Variants in SLC35F3 observed in about 807,000 individuals in gnomAD.
The protein encoded by SLC35F3 is putative thiamine transporter SLC35F3.
In SLC35F3, 25 loss-of-function variants were observed where a neutral mutation model predicts 49.9. The observed-to-expected ratio is 0.50, with a 90% CI of 0.37 to 0.70. The LOEUF is 0.70. Ranked by LOEUF, SLC35F3 falls within the 30% of genes least tolerant of loss-of-function variation. The pLI, the probability that SLC35F3 is intolerant of heterozygous loss-of-function variation, is 0.00. For synonymous variants in SLC35F3, 275 were observed against 265.4 expected, an observed-to-expected ratio of 1.04 and a Z score of -0.35; for missense variants, 525 against 639.8, an observed-to-expected ratio of 0.82 and a Z score of 1.94.
chr1:234,050,515 T>A (rs917817615), intron 2 of SLC35F3, among the ~76,000 whole-genome samples: 4 of 152,246 alleles, frequency 2.6e-5, no homozygotes, highest in African/African-American at 9.6e-5. Context: ...TTTGTTTAAG[T>A]TCTTTGTAGA....
At chr1:234,006,974 C>G (rs1160226484) in intron 2 of SLC35F3, among the ~76,000 whole-genome samples, 1 of 152,142 alleles carries the variant, frequency 6.6e-6, no homozygotes, top group Non-Finnish European at 1.5e-5. Flanking sequence ...TAGAGAAAAT[C>G]TTTTCAGCTT....
intron 2 of SLC35F3, among the ~76,000 whole-genome samples, chr1:234,118,353 C>T (rs1665523896): frequency 6.6e-6 from 1 of 152,152 alleles, no homozygotes; most frequent in African/African-American, 2.4e-5. Context: ...GTCGGATTTC[C>T]ATCTCCATTG....
intron 2 of SLC35F3, among the ~76,000 whole-genome samples, chr1:233,936,992 C>T (rs1340842969): frequency 6.6e-6 from 1 of 152,158 alleles, no homozygotes; most frequent in Non-Finnish European, 1.5e-5. Flanking sequence ...CATCTGGCCA[C>T]CTCTGTCTTC....
chr1:234,038,661 G>A (rs1488201410), intron 2 of SLC35F3, among the ~76,000 whole-genome samples: 2 of 152,196 alleles, frequency 1.3e-5, no homozygotes, highest in East Asian at 3.8e-4. Flanking sequence ...TCATCAGACT[G>A]TGTGTTTTAT....
In SLC35F3 at chr1:234,318,914, A is replaced by C; in HGVS notation, c.1118A>C (p.Asn373Thr). 6.2e-7 allele frequency: 1 copy of C among 1,614,010 alleles called. No individual in the cohort carries two copies. The highest frequency in any genetic ancestry group is 8.5e-7 in the Non-Finnish European group (1 of 1,179,994). The change falls in exon 6 of 8, where the codon AAC becomes ACC. Residue 373 changes from asparagine to threonine, a missense_variant. By Grantham distance (65) the Asn-to-Thr change is moderately conservative. Transcript: ENST00000366618. Reference sequence around the variant, plus strand: ...TCTTTTGATGACATTCCATGGGGAAACCTTTGTGGATTTTCAGTTCTTTTA... The same window carrying C: ...TCTTTTGATGACATTCCATGGGGAACCCTTTGTGGATTTTCAGTTCTTTTA... ...WSSFDDIPWG[N>T]LCGFSVLLLT...
intron 2 of SLC35F3, among the ~76,000 whole-genome samples, chr1:234,131,899 G>A (rs1005480805): frequency 1.1e-4 from 16 of 152,120 alleles, no homozygotes; most frequent in African/African-American, 3.4e-4. Context: ...AATAATAAGC[G>A]ATAATAATAA....
intron 3 of SLC35F3, among the ~76,000 whole-genome samples, chr1:234,294,226 G>T (rs192802706): frequency 1.1e-3 from 162 of 152,256 alleles, no homozygotes; most frequent in Middle Eastern, 6.8e-3. Flanking sequence ...AGGGAGGCAG[G>T]TTCCTTAGGC....
intron 2 of SLC35F3, among the ~76,000 whole-genome samples, chr1:233,956,266 C>A (rs776939029): frequency 6.6e-6 from 1 of 152,026 alleles, no homozygotes; most frequent in African/African-American, 2.4e-5. Flanking sequence ...TAGCAGAGTC[C>A]ATATTCTAAA....
intron 2 of SLC35F3, among the ~76,000 whole-genome samples, chr1:233,923,394 A>G (rs376450417): frequency 6.6e-6 from 1 of 152,012 alleles, no homozygotes; most frequent in East Asian, 1.9e-4. Context: ...TAGGTATTTT[A>G]TTCTCTTTGA....
chr1:233,923,242 A>G (rs1662098260), intron 2 of SLC35F3, among the ~76,000 whole-genome samples: 1 of 152,176 alleles, frequency 6.6e-6, no homozygotes, highest in South Asian at 2.1e-4. Flanking sequence ...CTTGGGCAGT[A>G]TGGCCATTTT....
chr1:234,300,267 T>C (rs1342675828), intron 3 of SLC35F3, among the ~76,000 whole-genome samples: 2 of 152,238 alleles, frequency 1.3e-5, no homozygotes. Context: ...CTGTCAAGAA[T>C]GCATCCCACA....
rs1401187685 is a variant in SLC35F3 at position 234,041,648 on chromosome 1, C to T, written c.283+135890C>T. On this transcript the variant is annotated intron_variant, in intron 2 of 7. Transcript: ENST00000366618. ...TTTTATAATTGTTCTTGCAAATACT[C>T]TTCTAATCACTTGCACATTTTATAA... Among the ~76,000 whole-genome samples the T allele has an allele frequency of 2.6e-5, 4 of 152,132 alleles. No individual in the cohort carries two copies. The South Asian group carries it at 6.2e-4, about 24-fold the overall frequency.
intron 3 of SLC35F3, among the ~76,000 whole-genome samples, chr1:234,282,713 T>A (rs1461453227): frequency 6.6e-6 from 1 of 152,218 alleles, no homozygotes; most frequent in Non-Finnish European, 1.5e-5. Context: ...CTCACTTCTC[T>A]AAGGTCCCCC....
chr1:234,107,177 T>A (rs1208258338), intron 2 of SLC35F3, among the ~76,000 whole-genome samples: 1 of 152,194 alleles, frequency 6.6e-6, no homozygotes, highest in East Asian at 1.9e-4. Flanking sequence ...TGGTGCCACT[T>A]GCCTCCCAAA....
chr1:234,031,953 A>T (rs9435494), intron 2 of SLC35F3, among the ~76,000 whole-genome samples: 35,611 of 151,842 alleles, frequency 0.23, 8,435 homozygotes, highest in African/African-American at 0.6. Flanking sequence ...GTTTTATAAG[A>T]TGTGTAGACA....
At position 234,060,568 on chromosome 1, in the gene SLC35F3, T is replaced by C. The variant is rs1664525494; in HGVS notation, c.283+154810T>C. 1.3e-5 allele frequency among the ~76,000 whole-genome samples: 2 copies of C among 152,158 alleles called. 1 individual carries two copies. Among genetic ancestry groups the C allele is most frequent in the South Asian group, 4.1e-4 (2 of 4,830 alleles). On this transcript the variant is annotated intron_variant, in intron 2 of 7. Transcript: ENST00000366618. The stretch of plus-strand genomic sequence containing the variant: ...CTCAAGTGATCTTCCCATCTCAGCC[T>C]CCCGAATAGCTGGAACCACAGACAC...
intron 2 of SLC35F3, among the ~76,000 whole-genome samples, chr1:234,028,273 G>A (rs899847290): frequency 1.3e-5 from 2 of 152,134 alleles, no homozygotes; most frequent in Non-Finnish European, 2.9e-5. Flanking sequence ...GAAGTAAGCT[G>A]TAATTAGAGG....
intron 3 of SLC35F3, among the ~76,000 whole-genome samples, chr1:234,307,388 C>A (rs533592447): frequency 1.3e-5 from 2 of 152,192 alleles, no homozygotes; most frequent in African/African-American, 4.8e-5. Context: ...TGTGTTTCTC[C>A]TCTCTCAATA....
intron 2 of SLC35F3, among the ~76,000 whole-genome samples, chr1:234,221,787 A>G (rs1198764506): frequency 2.0e-5 from 3 of 152,224 alleles, no homozygotes; most frequent in Admixed American, 1.3e-4. Flanking sequence ...TAATTAATAT[A>G]TTGGACATGT....
Sources: allele counts gnomAD v4.1 joint callset (sites outside exome capture counted in the v4.1 genomes callset), GRCh38; gene constraint gnomAD v4.1.1; transcripts MANE v1.5; gene names NCBI Gene and HGNC (gene_info 2026-07-23, HGNC 2026-07-21).